Variants in EXOC4 observed in about 807,000 individuals in gnomAD.
The protein encoded by EXOC4 is exocyst complex component 4.
In EXOC4, 71 loss-of-function variants were observed where a neutral mutation model predicts 107.2. That is an observed-to-expected ratio of 0.66 (90% CI 0.55 to 0.81). The LOEUF is 0.81. Ranked by LOEUF, EXOC4 falls within the 30% of genes least tolerant of loss-of-function variation. The pLI is 0.00. For missense variants in EXOC4, 1,108 were observed against 1,189.6 expected (o/e 0.93, Z 1.01); for synonymous variants, 456 against 441.2 (o/e 1.03, Z -0.42).
chr7:133,476,219 T>A (rs1254368544), intron 8 of EXOC4, among the ~76,000 whole-genome samples: 1 of 152,196 alleles, frequency 6.6e-6, no homozygotes, highest in African/African-American at 2.4e-5. Flanking sequence ...CATAGCTTAT[T>A]TTATTTACTA....
rs565716025 is a variant in EXOC4, at chr7:133,561,872, C to T, written c.1418-68173C>T. Reference sequence around the variant, plus strand: ...GTGCCCGCTTTGCGCCCTGAACTGCCGAAATAGGCTCCTGCCACCCGCCAC... The same window carrying T: ...GTGCCCGCTTTGCGCCCTGAACTGCTGAAATAGGCTCCTGCCACCCGCCAC... On this transcript the variant is annotated intron_variant, in intron 9 of 17. Coordinates refer to ENST00000253861, the MANE Select transcript of EXOC4 (RefSeq NM_021807.4). Among the ~76,000 whole-genome samples, 19 of 152,288 alleles carry T rather than the reference C, an allele frequency of 1.2e-4. No homozygotes were observed. The South Asian group carries it at 1.5e-3, about 12-fold the overall frequency.
chr7:133,597,821 G>T (rs1801716910), intron 9 of EXOC4, among the ~76,000 whole-genome samples: 1 of 151,840 alleles, frequency 6.6e-6, no homozygotes, highest in Non-Finnish European at 1.5e-5. Flanking sequence ...GATCAGTCTG[G>T]CCAACATGAT....
chr7:133,683,755 C>G (rs543354146), intron 10 of EXOC4, among the ~76,000 whole-genome samples: 1 of 151,982 alleles, frequency 6.6e-6, no homozygotes, highest in Non-Finnish European at 1.5e-5. Flanking sequence ...TCTTCAACCA[C>G]GAAGCAACTT....
At chr7:133,868,496 TG>T (rs1798687963) in intron 11 of EXOC4, among the ~76,000 whole-genome samples, 1 of 152,210 alleles carries the variant, frequency 6.6e-6, no homozygotes, top group South Asian at 2.1e-4. Flanking sequence ...TTCAGGTTTT[TG>T]CTAGGGTGAA....
At position 133,882,406 on chromosome 7, in the gene EXOC4, A is replaced by T. The variant is rs565216079; in HGVS notation, c.1735-13193A>T. ...ATTGATCTTAATATAGGATGTACTT[A>T]ACTTTACTCACTCAGTTAAGAAATA... On this transcript the variant is annotated intron_variant, in intron 11 of 17. Coordinates refer to ENST00000253861, the MANE Select transcript of EXOC4 (RefSeq NM_021807.4). Among the ~76,000 whole-genome samples, 325 of 152,346 alleles carry T rather than the reference A, an allele frequency of 2.1e-3. 1 individual carries two copies. The highest frequency in any genetic ancestry group is 7.2e-3 in the African/African-American group (301 of 41,574).
At chr7:133,530,708 A>G (rs1384614872) in intron 9 of EXOC4, among the ~76,000 whole-genome samples, 1 of 152,186 alleles carries the variant, frequency 6.6e-6, no homozygotes, top group Non-Finnish European at 1.5e-5. Flanking sequence ...TAGTTACATG[A>G]TTTCTAAATC....
At chr7:133,481,512 C>T (rs539974506) in intron 9 of EXOC4, among the ~76,000 whole-genome samples, 13 of 152,312 alleles carry the variant, frequency 8.5e-5, no homozygotes, top group African/African-American at 3.1e-4. Flanking sequence ...CTCAACCTTT[C>T]TTGATTTAAA....
rs767854929 is a variant in EXOC4 at position 133,895,605 on chromosome 7, A to G, written c.1741A>G (p.Ile581Val). ...GVQRPLLQST[I>V]IVEKTVQDLL... ...CTTTGTTGTTCATTTCCAGAGCACA[A>G]TCATTGTGGAGAAGACAGTTCAAGA... is the stretch of plus-strand genomic sequence containing the variant. The change falls in exon 12 of 18, where the codon ATC (isoleucine) becomes GTC (valine). Residue 581 changes from isoleucine (I) to valine (V), a missense_variant. By Grantham distance (29) the Ile-to-Val change is conservative. Transcript: ENST00000253861. 10 of 1,613,792 alleles carry G rather than the reference A, an allele frequency of 6.2e-6. No homozygotes were observed. Among genetic ancestry groups the G allele is most frequent in the South Asian group, 3.3e-5 (3 of 91,032 alleles).
At chr7:133,781,408 A>G (rs2151173344) in intron 10 of EXOC4, among the ~76,000 whole-genome samples, 1 of 152,376 alleles carries the variant, frequency 6.6e-6, no homozygotes, top group African/African-American at 2.4e-5. Context: ...TTAAAAGAAC[A>G]GTGGGCCTGG....
At chr7:133,296,385 TTTAAA>T (rs1251466848) in intron 3 of EXOC4, among the ~76,000 whole-genome samples, 1 of 152,124 alleles carries the variant, frequency 6.6e-6, no homozygotes, top group African/African-American at 2.4e-5. Context: ...TGGTTTGCTA[TTTAAA>T]TAGGGGTGGT....
intron 9 of EXOC4, among the ~76,000 whole-genome samples, chr7:133,505,265 A>G (rs1478740772): frequency 1.3e-5 from 2 of 152,102 alleles, no homozygotes; most frequent in Admixed American, 1.3e-4. Context: ...GTTCTTAATG[A>G]TTCCCAGGAA....
At chr7:133,405,557 A>G (rs1797198026) in intron 7 of EXOC4, among the ~76,000 whole-genome samples, 1 of 152,190 alleles carries the variant, frequency 6.6e-6, no homozygotes, top group South Asian at 2.1e-4. Context: ...AGGGCTAGTA[A>G]ACAGGAAGGA....
intron 17 of EXOC4, among the ~76,000 whole-genome samples, chr7:134,038,260 A>T (rs1374677036): frequency 6.6e-6 from 1 of 152,210 alleles, no homozygotes; most frequent in Admixed American, 6.5e-5. Flanking sequence ...CAAATTGAGG[A>T]TTTTAACATG....
intron 13 of EXOC4, among the ~76,000 whole-genome samples, chr7:133,932,573 T>TAC (rs532520135): frequency 1.9e-4 from 29 of 152,212 alleles, no homozygotes; most frequent in Non-Finnish European, 4.3e-4. Flanking sequence ...TCCAAATATA[T>TAC]ACACACATTT....
chr7:133,786,623 G>A (rs1796574092), intron 10 of EXOC4, among the ~76,000 whole-genome samples: 1 of 152,208 alleles, frequency 6.6e-6, no homozygotes, highest in South Asian at 2.1e-4. Context: ...TCCAGATCAA[G>A]AGAAGCATTT....
chr7:134,076,772 C>T, the EXOC4 span, among the ~76,000 whole-genome samples: 8 of 151,112 alleles, frequency 5.3e-5, 1 homozygote, highest in Non-Finnish European at 7.4e-5. Flanking sequence ...TTTGTGCTAA[C>T]CTTGTTAGAA....
At chr7:133,529,452 T>A (rs1005502225) in intron 9 of EXOC4, among the ~76,000 whole-genome samples, 1 of 152,210 alleles carries the variant, frequency 6.6e-6, no homozygotes, top group African/African-American at 2.4e-5. Context: ...TATTTGAGTT[T>A]TTATTTTATA....
chr7:133,871,648 C>T (rs1798754522), intron 11 of EXOC4, among the ~76,000 whole-genome samples: 1 of 152,154 alleles, frequency 6.6e-6, no homozygotes, highest in African/African-American at 2.4e-5. Context: ...TCTGTTTCCA[C>T]TTCCCATCCT....
chr7:133,991,327 C>T (rs1247105436), intron 14 of EXOC4, among the ~76,000 whole-genome samples: 1 of 151,514 alleles, frequency 6.6e-6, no homozygotes, highest in Non-Finnish European at 1.5e-5. Context: ...TTGTTTGAGT[C>T]CCTTACATAT....
Sources: allele counts gnomAD v4.1 joint callset (sites outside exome capture counted in the v4.1 genomes callset), GRCh38; gene constraint gnomAD v4.1.1; transcripts MANE v1.5; gene names NCBI Gene and HGNC (gene_info 2026-07-23, HGNC 2026-07-21).